The following ZBTB7C variants were observed in gnomAD, a reference collection of about 807,000 sequenced individuals.
ZBTB7C encodes zinc finger and BTB domain containing 7C.
Under a neutral mutation model 25.7 loss-of-function variants are expected in ZBTB7C, and 8 were observed. That is an observed-to-expected ratio of 0.31 (90% CI 0.18 to 0.56). The LOEUF is 0.56. ZBTB7C is among the 20% of genes least tolerant of loss of function. The pLI is 0.91. For synonymous variants in ZBTB7C, 394 were observed against 369.0 expected, an observed-to-expected ratio of 1.07 and a Z score of -0.78; for missense variants, 824 against 855.2, an observed-to-expected ratio of 0.96 and a Z score of 0.46.
In ZBTB7C at chr18:48,310,192, T is replaced by C. The variant is rs2045780457; in HGVS notation, c.-79+27982A>G. Among the ~76,000 whole-genome samples the C allele has an allele frequency of 2.0e-5, 3 of 151,438 alleles. No individual in the cohort carries two copies. In the South Asian group the frequency reaches 6.3e-4, roughly 32 times the overall value. On this transcript the variant is annotated intron_variant, in intron 2 of 4. Transcript: ENST00000590800. ...TTGCAGTGAGCCGAGATCACGCCACTGCACTCCAGCCTGGGCAACAGAGTG... is the reference window on the plus strand; with the variant it reads ...TTGCAGTGAGCCGAGATCACGCCACCGCACTCCAGCCTGGGCAACAGAGTG...
At chr18:48,104,421 A>G (rs1160050080) in intron 3 of ZBTB7C, among the ~76,000 whole-genome samples, 1 of 152,176 alleles carries the variant, frequency 6.6e-6, no homozygotes, top group African/African-American at 2.4e-5. Flanking sequence ...TGCTCCTTGC[A>G]CAGCTTGTAG....
intron 4 of ZBTB7C, among the ~76,000 whole-genome samples, chr18:48,032,112 A>T (rs111527405): frequency 1.3e-3 from 196 of 151,856 alleles, no homozygotes; most frequent in African/African-American, 4.6e-3. Flanking sequence ...AGGTTTTTTT[A>T]TTTTTATTTT....
intron 3 of ZBTB7C, among the ~76,000 whole-genome samples, chr18:48,100,919 G>T (rs544603608): frequency 7.2e-6 from 1 of 139,672 alleles, no homozygotes; most frequent in South Asian, 2.4e-4. Context: ...CTGGTGGGGG[G>T]GCTGGAAACA....
Position 48,185,940 on chromosome 18 carries a change from C to T in ZBTB7C, c.-23G>A, listed in dbSNP as rs565160203. ...AAGCAAAATTCATACTCACAAGCAC[C>T]GATGCCTTAGTTTTAAATTTCAGGA... is the stretch of plus-strand genomic sequence containing the variant. On this transcript the variant is annotated 5_prime_UTR_variant, in exon 3 of 5. Transcript: ENST00000590800. 5.3e-5 allele frequency: 8 copies of T among 152,360 alleles called. No homozygotes were observed. Among genetic ancestry groups the T allele is most frequent in the African/African-American group, 1.4e-4 (6 of 41,578 alleles). The allele number at this position is 152,360 out of a possible 1,614,324, so 9.4% of individuals were successfully genotyped here. A position where few individuals can be genotyped will look rare whatever the true frequency, so the allele number is the denominator to read the frequency against.
intron 2 of ZBTB7C, among the ~76,000 whole-genome samples, chr18:48,261,368 T>TCA (rs145055852): frequency 0.015 from 2,277 of 152,260 alleles, 61 homozygotes; most frequent in African/African-American, 0.052. Context: ...GAGCTGGAGC[T>TCA]CACACTGGAT....
At chr18:48,124,901 G>C (rs137916103) in intron 3 of ZBTB7C, among the ~76,000 whole-genome samples, 1,601 of 152,238 alleles carry the variant, frequency 0.011, 15 homozygotes, top group Non-Finnish European at 0.017. Flanking sequence ...TGGCCAGTTG[G>C]GACAGCCAGG....
intron 2 of ZBTB7C, among the ~76,000 whole-genome samples, chr18:48,303,119 G>A (rs1313651282): frequency 3.3e-5 from 5 of 152,186 alleles, no homozygotes; most frequent in African/African-American, 1.2e-4. Context: ...TTCTGTGGAG[G>A]ACACAGCTTG....
At chr18:48,386,863 C>T (rs574703152) in intron 1 of ZBTB7C, among the ~76,000 whole-genome samples, 6 of 152,168 alleles carry the variant, frequency 3.9e-5, no homozygotes, top group Non-Finnish European at 8.8e-5. Context: ...CCCAAGTCTC[C>T]CACACCTCTC....
intron 1 of ZBTB7C, among the ~76,000 whole-genome samples, chr18:48,380,530 T>C (rs1034193007): frequency 1.3e-4 from 20 of 152,110 alleles, no homozygotes; most frequent in African/African-American, 4.1e-4. Context: ...ATATGTACAG[T>C]GGTTAGTACA....
intron 3 of ZBTB7C, among the ~76,000 whole-genome samples, chr18:48,054,970 T>C (rs1464393984): frequency 6.6e-6 from 1 of 152,194 alleles, no homozygotes; most frequent in Non-Finnish European, 1.5e-5. Context: ...CCACATGTTA[T>C]TGATCACTCA....
At chr18:48,407,809 A>C (rs1396006379) in intron 1 of ZBTB7C, among the ~76,000 whole-genome samples, 1 of 152,124 alleles carries the variant, frequency 6.6e-6, no homozygotes, top group Non-Finnish European at 1.5e-5. Context: ...TGAAGGACTG[A>C]GAGTTTCCAC....
chr18:48,361,200 C>T (rs1360269781), intron 1 of ZBTB7C, among the ~76,000 whole-genome samples: 1 of 152,150 alleles, frequency 6.6e-6, no homozygotes, highest in East Asian at 1.9e-4. Context: ...TCACAGGTGA[C>T]AGAATACAGA....
intron 3 of ZBTB7C, among the ~76,000 whole-genome samples, chr18:48,145,387 T>C (rs1279905810): frequency 2.6e-5 from 4 of 152,188 alleles, no homozygotes; most frequent in African/African-American, 9.6e-5. Flanking sequence ...CTGCCCACCA[T>C]TGACACTTCA....
rs575612109 is a variant in ZBTB7C at position 48,039,133 on chromosome 18, A to G, written c.1208+767T>C. On this transcript the variant is annotated intron_variant, in intron 4 of 4. Coordinates refer to ENST00000590800, the MANE Select transcript of ZBTB7C (RefSeq NM_001318841.2). ...ATGAAAGATGAAAGGTTTATAATGT[A>G]TTGATTTCAAATTTCAAATTTTATA... 6.5e-4 allele frequency among the ~76,000 whole-genome samples: 99 copies of G among 152,358 alleles called. 1 individual carries two copies. Among genetic ancestry groups the G allele is most frequent in the Admixed American group, 2.1e-3 (32 of 15,306 alleles).
At position 48,029,131 on chromosome 18, in the gene ZBTB7C, A is replaced by C; in HGVS notation, c.*129T>G. 1 of 1,232,382 alleles carries C rather than the reference A, an allele frequency of 8.1e-7. No homozygotes were observed. The highest frequency in any genetic ancestry group is 1.1e-6 in the Non-Finnish European group (1 of 920,944). The allele number at this position is 1,232,382 out of a possible 1,614,324, so 76.3% of individuals were successfully genotyped here. On this transcript the variant is annotated 3_prime_UTR_variant, in exon 5 of 5. Transcript: ENST00000590800. ...CCGGGAAAATGCCATCACTGATAGTATTATTATTATTTTCCCATTTTCCCT... is the reference window on the plus strand; with the variant it reads ...CCGGGAAAATGCCATCACTGATAGTCTTATTATTATTTTCCCATTTTCCCT...
At chr18:48,050,513 C>G (rs1053768435) in intron 3 of ZBTB7C, among the ~76,000 whole-genome samples, 1 of 152,204 alleles carries the variant, frequency 6.6e-6, no homozygotes, top group Non-Finnish European at 1.5e-5. Context: ...CCACTCAGCC[C>G]CTCAGGGTTT....
At chr18:48,352,574 A>T (rs1418958391) in intron 1 of ZBTB7C, among the ~76,000 whole-genome samples, 2 of 152,086 alleles carry the variant, frequency 1.3e-5, no homozygotes, top group African/African-American at 4.8e-5. Context: ...GGAAGGATTA[A>T]TCTAGGGCCC....
At chr18:48,392,366 C>T (rs2047922696) in intron 1 of ZBTB7C, among the ~76,000 whole-genome samples, 1 of 152,178 alleles carries the variant, frequency 6.6e-6, no homozygotes, top group Non-Finnish European at 1.5e-5. Flanking sequence ...AACACAGAGA[C>T]ACACCCCAAA....
At chr18:48,094,476 T>C (rs992441725) in intron 3 of ZBTB7C, among the ~76,000 whole-genome samples, 6 of 152,192 alleles carry the variant, frequency 3.9e-5, no homozygotes, top group African/African-American at 1.2e-4. Flanking sequence ...CATTATACAT[T>C]TTAGGATGAT....
Sources: gnomAD v4.1 joint callset for allele counts (sites outside exome capture counted in the v4.1 genomes callset) on GRCh38, gnomAD v4.1.1 for gene constraint, MANE v1.5 for transcripts, NCBI Gene and HGNC (gene_info 2026-07-23, HGNC 2026-07-21) for gene names.